The following RARA variants were observed in gnomAD, a reference collection of about 807,000 sequenced individuals.
The protein encoded by RARA is retinoic acid receptor alpha, also known as PML-DDX5-RARA fusion.
A neutral mutation model predicts 42.8 loss-of-function variants in RARA; 5 were observed. The ratio of observed to expected loss-of-function variants is 0.12; its 90% CI spans 0.06 to 0.25. The LOEUF is 0.25. Ranked by LOEUF, RARA falls within the 10% of genes least tolerant of loss-of-function variation. RARA has a pLI of 1.00. For missense variants in RARA, 402 were observed against 628.7 expected (o/e 0.64, Z 3.86); for synonymous variants, 256 against 259.5 (o/e 0.99, Z 0.13).
chr17:40,356,252 C>G lies in RARA; in HGVS notation c.*26C>G, dbSNP rs1345963982. The G allele has an allele frequency of 1.9e-6, 3 of 1,544,590 alleles. No individual in the cohort carries two copies. The highest frequency in any genetic ancestry group is 2.6e-6 in the Non-Finnish European group (3 of 1,142,482). On this transcript the variant is annotated 3_prime_UTR_variant, in exon 9 of 9. Transcript: ENST00000254066. The stretch of plus-strand genomic sequence containing the variant: ...CCGCCCACGCCACATGGACACAGCC[C>G]TCGCCCTCCGCCCCGGCTTTTCTCT...
intron 2 of RARA, among the ~76,000 whole-genome samples, chr17:40,337,746 G>A (rs1228244492): frequency 6.6e-6 from 1 of 152,246 alleles, no homozygotes; most frequent in Non-Finnish European, 1.5e-5. Context: ...GGGAATGCCC[G>A]AGGGTCTGGG....
intron 1 of RARA, among the ~76,000 whole-genome samples, chr17:40,315,163 T>TACACACACAC (rs1249928969): frequency 5.6e-5 from 7 of 124,082 alleles, no homozygotes; most frequent in African/African-American, 2.6e-4. Flanking sequence ...TATATATATA[T>TACACACACAC]ATATATATAC....
rs1407697270 is a variant in RARA at position 40,320,936 on chromosome 17, G to A, written c.-362-9921G>A. On this transcript the variant is annotated intron_variant, in intron 1 of 8. Coordinates refer to ENST00000254066, the MANE Select transcript of RARA (RefSeq NM_000964.4). The surrounding 1 kb of genome is among the most constrained non-coding windows in gnomAD (Gnocchi z 4.1). ...GGCAGGGCCCCTGGCAAGATGACCA[G>A]TGTTGTCTTGACTTACTGGGTTTTG... Among the ~76,000 whole-genome samples the A allele has an allele frequency of 1.3e-5, 2 of 152,174 alleles. No homozygotes were observed. Among genetic ancestry groups the A allele is most frequent in the Non-Finnish European group, 2.9e-5 (2 of 68,022 alleles).
At chr17:40,329,065 C>T (rs181256567) in intron 1 of RARA, among the ~76,000 whole-genome samples, 90 of 152,132 alleles carry the variant, frequency 5.9e-4, no homozygotes, top group African/African-American at 2.1e-3. Flanking sequence ...TCCACATCCT[C>T]GCCAGTACTT....
Position 40,357,608 on chromosome 17 carries a change from ATC to A in RARA, c.*1384_*1385del. 4.4e-6 allele frequency: 1 copy of A among 229,824 alleles called. No homozygotes were observed. Among genetic ancestry groups the A allele is most frequent in the Non-Finnish European group, 8.6e-6 (1 of 115,954 alleles). 14.2% of individuals were successfully genotyped at this position (229,824 alleles called of 1,614,324 possible). On this transcript the variant is annotated 3_prime_UTR_variant, in exon 9 of 9. Transcript: ENST00000254066. ...TGTTACTGTTGGGCTTTCCACTGAG[ATC>A]TACTGGATAAAGAATAAAGTTCTAT...
rs2034570679 is a variant in RARA at position 40,354,978 on chromosome 17, C to A, written c.1013-285C>A. 6.6e-6 allele frequency among the ~76,000 whole-genome samples: 1 copy of A among 152,200 alleles called. No homozygotes were observed. Among genetic ancestry groups the A allele is most frequent in the South Asian group, 2.1e-4 (1 of 4,830 alleles). On this transcript the variant is annotated intron_variant, in intron 7 of 8. Transcript: ENST00000254066. The surrounding 1 kb of genome is among the most constrained non-coding windows in gnomAD (Gnocchi z 4.5). ...AATAACAGGGGGGAGTGGGAGCCTG[C>A]CTGGGAACCCTCTCCCTGCTTGAGG...
In RARA at chr17:40,356,779, A is replaced by T; in HGVS notation, c.*553A>T. The T allele has an allele frequency of 2.1e-6, 1 of 473,998 alleles. No homozygotes were observed. Among genetic ancestry groups the T allele is most frequent in the African/African-American group, 2.2e-5 (1 of 45,246 alleles). The allele number at this position is 473,998 out of a possible 1,614,324, so 29.4% of individuals were successfully genotyped here. On this transcript the variant is annotated 3_prime_UTR_variant, in exon 9 of 9. Transcript: ENST00000254066. ...TTTTGTTTTGATTTTTTTAATAAGA[A>T]TTTTCATTTTAAGCACATTTATACT...
rs530811655 is a variant in RARA at position 40,320,831 on chromosome 17, C to A, written c.-362-10026C>A. Reference sequence around the variant, plus strand: ...TCTGGGGATGGTAATCCTGTCCCTGCGACAAATAAGCGGGGTAATCTCCGC... The same window carrying A: ...TCTGGGGATGGTAATCCTGTCCCTGAGACAAATAAGCGGGGTAATCTCCGC... On this transcript the variant is annotated intron_variant, in intron 1 of 8. Coordinates refer to ENST00000254066, the MANE Select transcript of RARA (RefSeq NM_000964.4). This position sits in a 1 kb window ranked among gnomAD's most constrained non-coding sequence, Gnocchi z 4.1. 6.6e-6 allele frequency among the ~76,000 whole-genome samples: 1 copy of A among 152,238 alleles called. No individual in the cohort carries two copies. The highest frequency in any genetic ancestry group is 2.4e-5 in the African/African-American group (1 of 41,530).
At chr17:40,329,042 G>A (rs569632360) in intron 1 of RARA, among the ~76,000 whole-genome samples, 1 of 152,086 alleles carries the variant, frequency 6.6e-6, no homozygotes, top group East Asian at 1.9e-4. Flanking sequence ...CAATATATGA[G>A]GATTCCAATT....
At chr17:40,310,273 A>C (rs1254144930) in intron 1 of RARA, among the ~76,000 whole-genome samples, 2 of 152,150 alleles carry the variant, frequency 1.3e-5, no homozygotes, top group Non-Finnish European at 2.9e-5. Flanking sequence ...GTGGGCAGAC[A>C]GGCCCTGCTC....
Position 40,326,995 on chromosome 17 carries a change from G to C in RARA, c.-362-3862G>C, listed in dbSNP as rs565365281. 6.6e-6 allele frequency among the ~76,000 whole-genome samples: 1 copy of C among 152,316 alleles called. No homozygotes were observed. The highest frequency in any genetic ancestry group is 1.5e-5 in the Non-Finnish European group (1 of 68,022). On this transcript the variant is annotated intron_variant, in intron 1 of 8. Coordinates refer to ENST00000254066, the MANE Select transcript of RARA (RefSeq NM_000964.4). This position sits in a 1 kb window ranked among gnomAD's most constrained non-coding sequence, Gnocchi z 5.2. ...CTCCTGCGGCTCAAGGCCCTCCCCA[G>C]GGAGCTGAGTAAATTTGCACTGAAA...
At chr17:40,341,438 G>T in intron 2 of RARA, 1 of 1,525,684 alleles carries the variant, frequency 6.6e-7, no homozygotes, top group Non-Finnish European at 8.8e-7. Flanking sequence ...CCGACACAGC[G>T]TCCGAGCTGC....
chr17:40,348,829 C>T (rs2143464293), intron 3 of RARA: 2 of 183,518 alleles, frequency 1.1e-5, no homozygotes, highest in Middle Eastern at 2.2e-3. Context: ...CTGCCTGAAC[C>T]TCACCATGGC....
Position 40,356,367 on chromosome 17 carries a change from G to A in RARA, c.*141G>A. 1 of 964,722 alleles carries A rather than the reference G, an allele frequency of 1.0e-6. No individual in the cohort carries two copies. The highest frequency in any genetic ancestry group is 1.6e-6 in the Non-Finnish European group (1 of 624,682). The allele number at this position is 964,722 out of a possible 1,614,324, so 59.8% of individuals were successfully genotyped here. A position where few individuals can be genotyped will look rare whatever the true frequency, so the allele number is the denominator to read the frequency against. On this transcript the variant is annotated 3_prime_UTR_variant, in exon 9 of 9. Transcript: ENST00000254066. The stretch of plus-strand genomic sequence containing the variant: ...GGGGACCTTCCCTGGGGGACGGGGA[G>A]GGAGGAGGCAGCGACTCCTTGGACA...
intron 2 of RARA, chr17:40,342,318 C>A (rs903084755): frequency 2.4e-5 from 26 of 1,069,988 alleles, no homozygotes; most frequent in South Asian, 2.2e-4. Context: ...TGCTCGTTGA[C>A]CCCCAGCCCC....
rs951898281 is a variant in RARA, at chr17:40,320,152, G to A, written c.-362-10705G>A. Among the ~76,000 whole-genome samples, 4 of 152,188 alleles carry A rather than the reference G, an allele frequency of 2.6e-5. No homozygotes were observed. The highest frequency in any genetic ancestry group is 4.4e-5 in the Non-Finnish European group (3 of 67,976). ...GGGGTTTCACCATCAGACTGGCGAC[G>A]GTGGCACAGATGCAGTGGCAGTTCT... On this transcript the variant is annotated intron_variant, in intron 1 of 8. Transcript: ENST00000254066. This position sits in a 1 kb window ranked among gnomAD's most constrained non-coding sequence, Gnocchi z 4.1.
In RARA at chr17:40,331,276, C is replaced by G. The variant is rs201015843; in HGVS notation, c.58C>G (p.Pro20Ala). Residue 20 changes from proline to alanine, a missense_variant, in exon 2 of 9, where the codon CCG becomes GCG. By Grantham distance (27) the Pro-to-Ala change is conservative. Transcript: ENST00000254066. ...TGGGGGCGGGCACCTCAATGGGTAC[C>G]CGGTGCCTCCCTACGCCTTCTTCTT... is the stretch of plus-strand genomic sequence containing the variant. ...TPGGGHLNGY[P>A]VPPYAFFFPP... 448 of 1,613,838 alleles carry G rather than the reference C, an allele frequency of 2.8e-4. No individual in the cohort carries two copies. The highest frequency in any genetic ancestry group is 3.6e-4 in the Non-Finnish European group (426 of 1,179,978).
chr17:40,355,290 G>A lies in RARA; in HGVS notation c.1040G>A (p.Arg347Gln), dbSNP rs762709825. 16 of 1,593,712 alleles carry A rather than the reference G, an allele frequency of 1.0e-5. No individual in the cohort carries two copies. Among genetic ancestry groups the A allele is most frequent in the East Asian group, 4.6e-5 (2 of 43,802 alleles). Residue 347 changes from arginine to glutamine, a missense_variant, in exon 8 of 9, where the codon CGG becomes CAG. Transcript: ENST00000254066. The surrounding 1 kb of genome is among the most constrained non-coding windows in gnomAD (Gnocchi z 4.1). ...GDRQDLEQPD[R>Q]VDMLQEPLLE... is the part of the protein sequence containing the mutation. ...CGCCAGGACCTGGAGCAGCCGGACC[G>A]GGTGGACATGCTGCAGGAGCCGCTG...
intron 2 of RARA, among the ~76,000 whole-genome samples, chr17:40,333,632 G>C (rs1203203674): frequency 6.6e-6 from 1 of 151,454 alleles, no homozygotes; most frequent in East Asian, 1.9e-4. Context: ...CACTGTGCCT[G>C]GCTTTCTTTC....
Sources: allele counts gnomAD v4.1 joint callset (sites outside exome capture counted in the v4.1 genomes callset), GRCh38; gene constraint gnomAD v4.1.1; non-coding constraint Gnocchi (gnomAD v3.1); transcripts MANE v1.5; gene names NCBI Gene and HGNC (gene_info 2026-07-23, HGNC 2026-07-21).